Variants in MYT1L observed in about 807,000 individuals in gnomAD.
MYT1L encodes myelin transcription factor 1-like protein.
A neutral mutation model predicts 126.7 loss-of-function variants in MYT1L; 12 were observed. The ratio of observed to expected loss-of-function variants is 0.09; its 90% CI spans 0.06 to 0.15. The LOEUF (loss-of-function observed/expected upper bound fraction) is 0.15. MYT1L is among the 10% of genes least tolerant of loss of function. The pLI is 1.00. For missense variants in MYT1L, 979 were observed against 1,585.2 expected (o/e 0.62, Z 6.49); for synonymous variants, 541 against 604.2 (o/e 0.90, Z 1.53).
chr2:1,826,548 G>A (rs1038317363), intron 21 of MYT1L, among the ~76,000 whole-genome samples: 6 of 152,314 alleles, frequency 3.9e-5, no homozygotes, highest in Admixed American at 2.6e-4. Context: ...TTCACAGTTC[G>A]AGACAGATGT....
intron 2 of MYT1L, among the ~76,000 whole-genome samples, chr2:2,238,781 C>T (rs1341651041): frequency 6.6e-6 from 1 of 152,236 alleles, no homozygotes; most frequent in African/African-American, 2.4e-5. Flanking sequence ...TCTACATGTT[C>T]CACGATAAGC....
intron 2 of MYT1L, among the ~76,000 whole-genome samples, chr2:2,236,970 C>T (rs139718309): frequency 0.036 from 5,414 of 152,106 alleles, 322 homozygotes; most frequent in African/African-American, 0.12. Flanking sequence ...TGTGCCACCA[C>T]ACCCAGCTAA....
intron 15 of MYT1L, among the ~76,000 whole-genome samples, chr2:1,890,195 A>G (rs534046819): frequency 6.6e-6 from 1 of 151,708 alleles, no homozygotes. Flanking sequence ...TCAGCTTCCC[A>G]AGTAGCTGGG....
At chr2:1,836,966 C>T (rs2040988254) in intron 21 of MYT1L, among the ~76,000 whole-genome samples, 1 of 152,184 alleles carries the variant, frequency 6.6e-6, no homozygotes, top group African/African-American at 2.4e-5. Flanking sequence ...GTGAGGCTGG[C>T]AAGAGAGTAG....
chr2:2,148,194 A>G (rs1279452593), intron 3 of MYT1L, among the ~76,000 whole-genome samples: 2 of 152,208 alleles, frequency 1.3e-5, no homozygotes, highest in Non-Finnish European at 2.9e-5. Context: ...AAAGGCATAA[A>G]GCAGTGCTCC....
chr2:2,027,031 G>T (rs535008414), intron 4 of MYT1L, among the ~76,000 whole-genome samples: 10 of 152,244 alleles, frequency 6.6e-5, no homozygotes, highest in African/African-American at 2.4e-4. Context: ...ACATCGGATC[G>T]CTCCACCTGG....
chr2:2,093,668 T>C (rs868014390), intron 3 of MYT1L, among the ~76,000 whole-genome samples: 1 of 152,212 alleles, frequency 6.6e-6, no homozygotes. Context: ...GTAGTTTCTT[T>C]TGCTGTGCAG....
chr2:1,899,552 A>T (rs911336223), intron 14 of MYT1L, among the ~76,000 whole-genome samples: 8 of 152,142 alleles, frequency 5.3e-5, no homozygotes, highest in Non-Finnish European at 8.8e-5. Flanking sequence ...TTTCCTATAG[A>T]CAACGTGAAG....
intron 3 of MYT1L, among the ~76,000 whole-genome samples, chr2:2,089,940 A>G (rs757871156): frequency 7.2e-5 from 11 of 152,246 alleles, no homozygotes; most frequent in Non-Finnish European, 1.0e-4. Context: ...AATATACACA[A>G]CACACCAGAC....
At chr2:2,200,470 A>G (rs917070689) in intron 2 of MYT1L, among the ~76,000 whole-genome samples, 4 of 151,938 alleles carry the variant, frequency 2.6e-5, no homozygotes, top group African/African-American at 9.7e-5. Flanking sequence ...ATCTGTCTCC[A>G]TGACCACGTC....
chr2:2,073,036 G>T (rs928135118), intron 3 of MYT1L, among the ~76,000 whole-genome samples: 1 of 152,166 alleles, frequency 6.6e-6, no homozygotes, highest in East Asian at 1.9e-4. Flanking sequence ...CAGAAGGAGG[G>T]AGGGAGCTCT....
chr2:2,327,251 C>G (rs1435295669), intron 1 of MYT1L: 1 of 152,154 alleles, frequency 6.6e-6, no homozygotes, highest in African/African-American at 2.4e-5. Context: ...CACACACACA[C>G]AAACACAAAC....
chr2:2,003,736 A>G (rs1208982084), intron 4 of MYT1L, among the ~76,000 whole-genome samples: 1 of 152,012 alleles, frequency 6.6e-6, no homozygotes, highest in Non-Finnish European at 1.5e-5. Flanking sequence ...AGCCTCCTCC[A>G]TGTCTGCACG....
At chr2:1,886,642 C>T in intron 17 of MYT1L, 35 bp from the exon 18 acceptor site, 2 of 1,425,664 alleles carry the variant, frequency 1.4e-6, no homozygotes, top group Non-Finnish European at 9.4e-7. Context: ...GGTCAGTCAA[C>T]TGCGAAGCGC....
Position 2,171,028 on chromosome 2 carries a change from T to C in MYT1L, c.-304+1844A>G, listed in dbSNP as rs547598590. 2.0e-5 allele frequency among the ~76,000 whole-genome samples: 3 copies of C among 152,274 alleles called. No homozygotes were observed. In the South Asian group the frequency reaches 6.2e-4, roughly 32 times the overall value. ...CCCTGGAGACCTTTGGGTGACAAGC[T>C]TGTCTTACACCCAGAAGGGTCTGCT... On this transcript the variant is annotated intron_variant, in intron 3 of 24. Transcript: ENST00000647738.
intron 3 of MYT1L, among the ~76,000 whole-genome samples, chr2:2,080,648 T>G: frequency 6.6e-6 from 1 of 152,118 alleles, no homozygotes; most frequent in Non-Finnish European, 1.5e-5. Flanking sequence ...TCATATTTAC[T>G]AGGGTGGCTA....
In MYT1L at chr2:2,228,886, T is replaced by TA. The variant is rs1217330755; in HGVS notation, c.-421+55517dup. On this transcript the variant is annotated intron_variant, in intron 2 of 24. Transcript: ENST00000647738. The surrounding 1 kb of genome is among the most constrained non-coding windows in gnomAD (Gnocchi z 5.9). ...TATTAGCACATATTAACAATCTTTT[T>TA]AAAAAATACAGGACAAGGGCAAGTT... 3.3e-5 allele frequency among the ~76,000 whole-genome samples: 5 copies of TA among 152,118 alleles called. No homozygotes were observed. Among genetic ancestry groups the TA allele is most frequent in the South Asian group, 2.1e-4 (1 of 4,834 alleles).
intron 3 of MYT1L, among the ~76,000 whole-genome samples, chr2:2,124,688 A>T (rs141592211): frequency 1.6e-4 from 25 of 152,346 alleles, no homozygotes; most frequent in African/African-American, 5.8e-4. Flanking sequence ...CATGTGAGGT[A>T]AGAATACCAG....
At position 2,249,835 on chromosome 2, in the gene MYT1L, C is replaced by A. The variant is rs2094601609; in HGVS notation, c.-421+34569G>T. Among the ~76,000 whole-genome samples, 3 of 152,016 alleles carry A rather than the reference C, an allele frequency of 2.0e-5. No individual in the cohort carries two copies. The South Asian group carries it at 6.2e-4, about 32-fold the overall frequency. ...AGCTCAAACAACTTTATAAAAAAAACTAATAATTTGATTAAAAAATGGGCA... is the reference window on the plus strand; with the variant it reads ...AGCTCAAACAACTTTATAAAAAAAAATAATAATTTGATTAAAAAATGGGCA... On this transcript the variant is annotated intron_variant, in intron 2 of 24. Transcript: ENST00000647738.
Sources: allele counts gnomAD v4.1 joint callset (sites outside exome capture counted in the v4.1 genomes callset), GRCh38; gene constraint gnomAD v4.1.1; non-coding constraint Gnocchi (gnomAD v3.1); transcripts MANE v1.5; gene names NCBI Gene and HGNC (gene_info 2026-07-23, HGNC 2026-07-21).